The following LRRC4C variants were observed in gnomAD, a reference collection of about 807,000 sequenced individuals.
The protein encoded by LRRC4C is leucine rich repeat containing 4C, also known as leucine-rich repeat-containing protein 4C.
In LRRC4C, 5 loss-of-function variants were observed where a neutral mutation model predicts 33.6. That is an observed-to-expected ratio of 0.15 (90% CI 0.08 to 0.31). The LOEUF (loss-of-function observed/expected upper bound fraction) is 0.31. Among genes scored for constraint, LRRC4C ranks in the 10% least tolerant of loss-of-function variants. The pLI is 1.00. For missense variants in LRRC4C, 560 were observed against 796.7 expected (o/e 0.70, Z 3.58); for synonymous variants, 329 against 302.0 (o/e 1.09, Z -0.93).
chr11:40,132,302 C>A (rs1362028515), intron 6 of LRRC4C, among the ~76,000 whole-genome samples: 2 of 152,136 alleles, frequency 1.3e-5, no homozygotes, highest in Non-Finnish European at 2.9e-5. Flanking sequence ...TGAGTAAATT[C>A]CTCAAAACAA....
At chr11:41,268,301 G>A (rs937132328) in intron 1 of LRRC4C, among the ~76,000 whole-genome samples, 10 of 152,028 alleles carry the variant, frequency 6.6e-5, no homozygotes, top group Non-Finnish European at 1.0e-4. Flanking sequence ...AACCTTAAAT[G>A]AGATCTAAGC....
At chr11:40,443,348 T>C (rs914651038) in intron 3 of LRRC4C, among the ~76,000 whole-genome samples, 1 of 152,222 alleles carries the variant, frequency 6.6e-6, no homozygotes, top group Non-Finnish European at 1.5e-5. Flanking sequence ...ATTACAAATA[T>C]AGACCTTAAG....
chr11:41,234,111 C>T (rs1307597389), intron 1 of LRRC4C, among the ~76,000 whole-genome samples: 1 of 152,010 alleles, frequency 6.6e-6, no homozygotes, highest in Non-Finnish European at 1.5e-5. Flanking sequence ...TCTTAGGGCT[C>T]ATACCTCTTT....
intron 1 of LRRC4C, among the ~76,000 whole-genome samples, chr11:41,171,431 A>G (rs1944971740): frequency 6.6e-6 from 1 of 152,088 alleles, no homozygotes; most frequent in Non-Finnish European, 1.5e-5. Context: ...CATAAAAAGG[A>G]TGAGTTCATG....
chr11:41,014,337 C>G (rs1028667572), intron 1 of LRRC4C, among the ~76,000 whole-genome samples: 2 of 152,044 alleles, frequency 1.3e-5, no homozygotes, highest in Admixed American at 6.6e-5. Flanking sequence ...CAGTAGCAGG[C>G]CAGAAATTCC....
chr11:40,984,009 C>T (rs898723009), intron 1 of LRRC4C, among the ~76,000 whole-genome samples: 1 of 151,986 alleles, frequency 6.6e-6, no homozygotes, highest in Non-Finnish European at 1.5e-5. Flanking sequence ...TGCTACTATA[C>T]TGGACAATGT....
intron 1 of LRRC4C, among the ~76,000 whole-genome samples, chr11:41,105,134 T>A (rs1383762291): frequency 6.6e-6 from 1 of 152,028 alleles, no homozygotes; most frequent in Non-Finnish European, 1.5e-5. Flanking sequence ...CCCTACATTA[T>A]CTGATCTTCA....
chr11:40,202,210 T>G (rs1590696708), intron 5 of LRRC4C, among the ~76,000 whole-genome samples: 1 of 68,326 alleles, frequency 1.5e-5, no homozygotes, highest in South Asian at 7.1e-4. Context: ...CCTGTGTGAT[T>G]ACCAAAAAAA....
At chr11:40,725,671 T>C (rs1947256724) in intron 2 of LRRC4C, among the ~76,000 whole-genome samples, 1 of 152,144 alleles carries the variant, frequency 6.6e-6, no homozygotes, top group African/African-American at 2.4e-5. Flanking sequence ...TAATGAAACA[T>C]ATAATGCATA....
intron 2 of LRRC4C, among the ~76,000 whole-genome samples, chr11:40,796,635 C>CTTTTTTTTTTT (rs1188389556): frequency 3.8e-5 from 4 of 104,904 alleles, no homozygotes; most frequent in African/African-American, 7.6e-5. Context: ...AAGCAGAACT[C>CTTTTTTTTTTT]TTTTTTTTTT....
intron 3 of LRRC4C, among the ~76,000 whole-genome samples, chr11:40,509,348 T>C (rs1955191314): frequency 1.3e-5 from 2 of 152,170 alleles, no homozygotes. Context: ...TTGTTAACAG[T>C]AAATTTAAAT....
intron 5 of LRRC4C, among the ~76,000 whole-genome samples, chr11:40,152,472 G>T (rs1049959026): frequency 1.3e-5 from 2 of 152,134 alleles, no homozygotes; most frequent in African/African-American, 2.4e-5. Flanking sequence ...CACAAATTCG[G>T]CATGCAGACT....
intron 2 of LRRC4C, among the ~76,000 whole-genome samples, chr11:40,773,491 T>A (rs552467502): frequency 3.3e-5 from 5 of 151,662 alleles, no homozygotes; most frequent in Non-Finnish European, 5.9e-5. Flanking sequence ...ACACCTACTA[T>A]GTACCCATAA....
chr11:41,068,239 A>G (rs1248581435), intron 1 of LRRC4C, among the ~76,000 whole-genome samples: 4 of 152,104 alleles, frequency 2.6e-5, no homozygotes. Context: ...TTAAAAATAC[A>G]AAAATTAGCT....
At chr11:40,351,900 C>T (rs1393521920) in intron 3 of LRRC4C, among the ~76,000 whole-genome samples, 5 of 151,902 alleles carry the variant, frequency 3.3e-5, no homozygotes, top group African/African-American at 9.7e-5. Flanking sequence ...TATTTTCAGC[C>T]TATGTGTGCC....
chr11:40,989,218 G>A (rs568186909), intron 1 of LRRC4C, among the ~76,000 whole-genome samples: 1 of 152,294 alleles, frequency 6.6e-6, no homozygotes, highest in Admixed American at 6.5e-5. Flanking sequence ...GCCTAGGACA[G>A]TTTCATGAAA....
At chr11:40,977,888 T>C (rs530898672) in intron 1 of LRRC4C, among the ~76,000 whole-genome samples, 39 of 152,290 alleles carry the variant, frequency 2.6e-4, no homozygotes, top group Middle Eastern at 6.8e-3. Context: ...TGCTGAAGAA[T>C]TGTGGGAAGT....
At chr11:40,759,673 C>T (rs931645872) in intron 2 of LRRC4C, among the ~76,000 whole-genome samples, 1 of 151,986 alleles carries the variant, frequency 6.6e-6, no homozygotes, top group African/African-American at 2.4e-5. Context: ...AGTTCTGCTT[C>T]TTGTCCAAAG....
intron 3 of LRRC4C, among the ~76,000 whole-genome samples, chr11:40,320,618 A>C (rs1000440362): frequency 1.3e-5 from 2 of 152,242 alleles, no homozygotes; most frequent in African/African-American, 4.8e-5. Context: ...ATTGAGAATT[A>C]GAACTGGATT....
Sources: gnomAD v4.1 joint callset for allele counts (sites outside exome capture counted in the v4.1 genomes callset) on GRCh38, gnomAD v4.1.1 for gene constraint, MANE v1.5 for transcripts, NCBI Gene and HGNC (gene_info 2026-07-23, HGNC 2026-07-21) for gene names.